The following CDKAL1 variants were observed in gnomAD, a reference collection of about 807,000 sequenced individuals.
The protein encoded by CDKAL1 is threonylcarbamoyladenosine tRNA methylthiotransferase.
In CDKAL1, 32 loss-of-function variants were observed where a neutral mutation model predicts 68.2. The observed-to-expected ratio is 0.47, with a 90% CI of 0.35 to 0.63. CDKAL1 has a LOEUF of 0.63. Ranked by LOEUF, CDKAL1 falls within the 30% of genes least tolerant of loss-of-function variation. The pLI is 0.00. For synonymous variants in CDKAL1, 234 were observed against 244.3 expected (o/e 0.96, Z 0.39); for missense variants, 606 against 696.7 (o/e 0.87, Z 1.47).
At chr6:20,540,324 C>T (rs1302210925) in intron 2 of CDKAL1, among the ~76,000 whole-genome samples, 5 of 151,898 alleles carry the variant, frequency 3.3e-5, no homozygotes, top group Non-Finnish European at 7.4e-5. Flanking sequence ...TCACCCACCT[C>T]GGCCTCCCAA....
At chr6:20,617,660 A>T (rs1766981834) in intron 4 of CDKAL1, among the ~76,000 whole-genome samples, 1 of 152,122 alleles carries the variant, frequency 6.6e-6, no homozygotes, top group African/African-American at 2.4e-5. Context: ...GAGTGAGAAC[A>T]TGCGGTGTTT....
intron 13 of CDKAL1, among the ~76,000 whole-genome samples, chr6:21,138,186 T>C (rs1228339297): frequency 1.3e-5 from 2 of 152,178 alleles, no homozygotes; most frequent in African/African-American, 2.4e-5. Flanking sequence ...TCCAAATAAA[T>C]TCAATGACTC....
rs577721313 is a variant in CDKAL1, at chr6:20,789,526, A to C, written c.638+8261A>C. Among the ~76,000 whole-genome samples, 111 of 152,340 alleles carry C rather than the reference A, an allele frequency of 7.3e-4. No individual in the cohort carries two copies. The South Asian group carries it at 0.014, about 19-fold the overall frequency. On this transcript the variant is annotated intron_variant, in intron 8 of 15. Coordinates refer to ENST00000274695, the MANE Select transcript of CDKAL1 (RefSeq NM_017774.3). ...ATTTGAAATAAACTTTGAAATGAAT[A>C]TGTATATAATTTTCTTAGTTACTAG...
rs1365452132 is a variant in CDKAL1 at position 20,539,089 on chromosome 6, T to C, written c.-6+3695T>C. ...GCATGCTTGGGCAGCGTGGTTATTT[T>C]AGATAAGGTAGTAGGAAAGGCCTCT... On this transcript the variant is annotated intron_variant, in intron 2 of 15. Coordinates refer to ENST00000274695, the MANE Select transcript of CDKAL1 (RefSeq NM_017774.3). The surrounding 1 kb of genome is among the most constrained non-coding windows in gnomAD (Gnocchi z 4.3). Among the ~76,000 whole-genome samples, 2 of 152,188 alleles carry C rather than the reference T, an allele frequency of 1.3e-5. No homozygotes were observed. The highest frequency in any genetic ancestry group is 2.9e-5 in the Non-Finnish European group (2 of 68,032).
chr6:21,184,633 G>A (rs181407666), intron 13 of CDKAL1, among the ~76,000 whole-genome samples: 3 of 152,022 alleles, frequency 2.0e-5, no homozygotes, highest in Admixed American at 6.6e-5. Flanking sequence ...TAGGCCTCCA[G>A]CCAATGCTTT....
At chr6:21,072,842 A>G (rs1450385864) in intron 12 of CDKAL1, among the ~76,000 whole-genome samples, 1 of 152,094 alleles carries the variant, frequency 6.6e-6, no homozygotes, top group Non-Finnish European at 1.5e-5. Context: ...TATCATTTTC[A>G]CCCAAAGTCC....
At chr6:21,031,128 C>G (rs140822328) in intron 11 of CDKAL1, among the ~76,000 whole-genome samples, 1,765 of 152,108 alleles carry the variant, frequency 0.012, 27 homozygotes, top group Middle Eastern at 0.027. Context: ...GCTCAGGGTC[C>G]TCTCCCAAGC....
intron 15 of CDKAL1, among the ~76,000 whole-genome samples, chr6:21,204,585 A>G (rs1238132520): frequency 6.6e-6 from 1 of 152,206 alleles, no homozygotes; most frequent in Non-Finnish European, 1.5e-5. Flanking sequence ...ACCATGCTAA[A>G]TATGCTACAT....
At chr6:20,999,663 TAAAAAAA>T (rs36078234) in intron 10 of CDKAL1, among the ~76,000 whole-genome samples, 30 of 93,390 alleles carry the variant, frequency 3.2e-4, no homozygotes, top group South Asian at 2.7e-3. Context: ...TGACTGAAAT[TAAAAAAA>T]AAAAAAAAAA....
intron 7 of CDKAL1, among the ~76,000 whole-genome samples, chr6:20,769,633 CTT>C (rs1774853820): frequency 6.6e-6 from 1 of 152,172 alleles, no homozygotes; most frequent in East Asian, 1.9e-4. Context: ...TGGAATCTGA[CTT>C]TAACTTCTAG....
chr6:20,871,008 T>C lies in CDKAL1; in HGVS notation c.742+24830T>C, dbSNP rs1760182788. On this transcript the variant is annotated intron_variant, in intron 9 of 15. Transcript: ENST00000274695. ...TCCAAGAGTAAGTTGTTATATTTAC[T>C]AATACTGCGCATTCCTCAAGGGCAA... Among the ~76,000 whole-genome samples the C allele has an allele frequency of 2.6e-5, 4 of 152,182 alleles. No homozygotes were observed. In the South Asian group the frequency reaches 6.2e-4, roughly 24 times the overall value.
intron 11 of CDKAL1, among the ~76,000 whole-genome samples, chr6:21,031,252 C>T (rs149258167): frequency 1.3e-3 from 194 of 151,350 alleles, no homozygotes; most frequent in African/African-American, 4.3e-3. Flanking sequence ...TCCCATGTGA[C>T]CCCCACAGAT....
At chr6:20,686,452 G>T (rs548784321) in intron 5 of CDKAL1, among the ~76,000 whole-genome samples, 3 of 152,256 alleles carry the variant, frequency 2.0e-5, no homozygotes, top group Admixed American at 2.0e-4. Flanking sequence ...GAGGTATCCA[G>T]GTTGCCTGAT....
At chr6:20,839,995 AATC>A (rs2150482502) in intron 8 of CDKAL1, among the ~76,000 whole-genome samples, 1 of 152,366 alleles carries the variant, frequency 6.6e-6, no homozygotes, top group South Asian at 2.1e-4. Flanking sequence ...GCATGCAACT[AATC>A]ATGTATTCTT....
Position 21,000,263 on chromosome 6 carries a change from G to A in CDKAL1, c.946G>A (p.Ala316Thr), listed in dbSNP as rs1181710496. Residue 316 changes from alanine to threonine, a missense_variant, in exon 11 of 16, where the codon GCT becomes ACT. Transcript: ENST00000274695. ...AKILNHPRVYAFLHIPVQSAS... is the reference protein window; with the variant it reads ...AKILNHPRVYTFLHIPVQSAS... ...AATCCTTAATCACCCCAGAGTCTAC[G>A]CTTTTCTGCACATACCAGTCCAGTC... The A allele has an allele frequency of 6.8e-6, 11 of 1,613,648 alleles. No individual in the cohort carries two copies. The highest frequency in any genetic ancestry group is 2.7e-5 in the African/African-American group (2 of 74,862).
chr6:20,891,890 G>C (rs1475137916), intron 9 of CDKAL1, among the ~76,000 whole-genome samples: 2 of 152,056 alleles, frequency 1.3e-5, no homozygotes, highest in Admixed American at 6.6e-5. Flanking sequence ...ATGGTCATCT[G>C]TTTTTCTTTT....
At chr6:20,876,927 T>C (rs1418279712) in intron 9 of CDKAL1, among the ~76,000 whole-genome samples, 5 of 152,238 alleles carry the variant, frequency 3.3e-5, no homozygotes, top group African/African-American at 1.2e-4. Flanking sequence ...ATTAGTCTTC[T>C]ACATATTATA....
chr6:20,841,277 G>A (rs1401313605), intron 8 of CDKAL1, among the ~76,000 whole-genome samples: 3 of 152,016 alleles, frequency 2.0e-5, no homozygotes, highest in African/African-American at 7.2e-5. Context: ...GCATATTCAG[G>A]TTATCTTTGA....
At position 21,139,978 on chromosome 6, in the gene CDKAL1, G is replaced by A. The variant is rs139876139; in HGVS notation, c.1299+31515G>A. Among the ~76,000 whole-genome samples, 38 of 152,254 alleles carry A rather than the reference G, an allele frequency of 2.5e-4. No individual in the cohort carries two copies. The East Asian group carries it at 3.7e-3, about 15-fold the overall frequency. On this transcript the variant is annotated intron_variant, in intron 13 of 15. Coordinates refer to ENST00000274695, the MANE Select transcript of CDKAL1 (RefSeq NM_017774.3). Reference sequence around the variant, plus strand: ...CTAATAAGGGAAAGACTGCAAAAACGCACAGATAATTGTTGATAATCTCAG... The same window carrying A: ...CTAATAAGGGAAAGACTGCAAAAACACACAGATAATTGTTGATAATCTCAG...
Sources: gnomAD v4.1 joint callset for allele counts (sites outside exome capture counted in the v4.1 genomes callset) on GRCh38, gnomAD v4.1.1 for gene constraint, Gnocchi (gnomAD v3.1) non-coding constraint, MANE v1.5 for transcripts, NCBI Gene and HGNC (gene_info 2026-07-23, HGNC 2026-07-21) for gene names.